SLC11A2: variants seen among roughly 807,000 people sequenced by gnomAD.
SLC11A2 encodes natural resistance-associated macrophage protein 2.
In SLC11A2, 38 loss-of-function variants were observed where a neutral mutation model predicts 68.0. The observed-to-expected ratio is 0.56, with a 90% CI of 0.43 to 0.73. The LOEUF (loss-of-function observed/expected upper bound fraction) is 0.73. Ranked by LOEUF, SLC11A2 falls within the 30% of genes least tolerant of loss-of-function variation. The pLI is 0.00. For synonymous variants in SLC11A2, 242 were observed against 250.6 expected (o/e 0.97, Z 0.32); for missense variants, 517 against 690.5 (o/e 0.75, Z 2.82).
chr12:50,967,610 T>C, the SLC11A2 span, among the ~76,000 whole-genome samples: 1 of 152,176 alleles, frequency 6.6e-6, no homozygotes, highest in Non-Finnish European at 1.5e-5. Flanking sequence ...ATTTTGCTAC[T>C]AAATGCCATG....
At chr12:51,016,618 G>A (rs1943669740) in intron 1 of SLC11A2, among the ~76,000 whole-genome samples, 1 of 150,696 alleles carries the variant, frequency 6.6e-6, no homozygotes. Flanking sequence ...AGAGGCAGAG[G>A]TTGCAGTGGG....
At position 50,992,744 on chromosome 12, in the gene SLC11A2, AAAGAAG is replaced by A. The variant is rs869230009; in HGVS notation, c.1197+60_1197+65del. On this transcript the variant is annotated intron_variant, in intron 12 of 15. Transcript: ENST00000262052. ...AGACTCCATCTCAAAAAAAAAAAAA[AAAGAAG>A]AAGAAGAAGAAGTAACAAAAGGGTT... 2.4e-5 allele frequency: 24 copies of A among 1,016,364 alleles called. 1 individual carries two copies. The African/African-American group carries it at 2.8e-4, about 12-fold the overall frequency. 63.0% of individuals were successfully genotyped at this position (1,016,364 alleles called of 1,614,324 possible). A position where few individuals can be genotyped will look rare whatever the true frequency, so the allele number is the denominator to read the frequency against.
chr12:50,993,508 C>T (rs1213445089), intron 11 of SLC11A2, among the ~76,000 whole-genome samples: 1 of 151,622 alleles, frequency 6.6e-6, no homozygotes, highest in Non-Finnish European at 1.5e-5. Context: ...GCCTAGGCAA[C>T]ATGGCAAATA....
At chr12:50,996,058 T>A (rs537795802) in intron 9 of SLC11A2, among the ~76,000 whole-genome samples, 3 of 152,340 alleles carry the variant, frequency 2.0e-5, no homozygotes, top group African/African-American at 7.2e-5. Context: ...TCAGTTACTC[T>A]CAGTGGCTGG....
chr12:51,026,312 T>C lies in SLC11A2; in HGVS notation c.-41A>G. 1 of 1,266,306 alleles carries C rather than the reference T, an allele frequency of 7.9e-7. No homozygotes were observed. The allele number at this position is 1,266,306 out of a possible 1,614,324, so 78.4% of individuals were successfully genotyped here. Reference sequence around the variant, plus strand: ...CCCTGACCTTGCCTTCCCCTCACCTTACCAGCTCCGCAACCACCTGACACG... The same window carrying C: ...CCCTGACCTTGCCTTCCCCTCACCTCACCAGCTCCGCAACCACCTGACACG... On this transcript the variant is annotated splice_region_variant and 5_prime_UTR_variant, in exon 1 of 16. It removes the in-frame stop codon of an upstream open reading frame in the 5' UTR. Transcript: ENST00000262052.
rs574989172 is a variant in SLC11A2, at chr12:50,987,847, T to C, written c.*478A>G. 1.2e-5 allele frequency: 15 copies of C among 1,259,044 alleles called. No homozygotes were observed. The highest frequency in any genetic ancestry group is 1.5e-5 in the Non-Finnish European group (15 of 977,360). The allele number at this position is 1,259,044 out of a possible 1,614,324, so 78.0% of individuals were successfully genotyped here. On this transcript the variant is annotated 3_prime_UTR_variant, in exon 16 of 16. Coordinates refer to ENST00000262052, the MANE Select transcript of SLC11A2 (RefSeq NM_000617.3). The stretch of plus-strand genomic sequence containing the variant: ...GAAGCTATTCTAGTTGATAATTTGG[T>C]ATAATTAAAATAACTGAAAAGGTAG...
the SLC11A2 span, among the ~76,000 whole-genome samples, chr12:50,961,901 T>C: frequency 6.6e-6 from 1 of 152,162 alleles, no homozygotes; most frequent in Admixed American, 6.6e-5. Context: ...GTGCTCCAAA[T>C]ACAGGAAGCC....
At chr12:50,990,512 C>T (rs960796422) in intron 15 of SLC11A2, 5 of 333,430 alleles carry the variant, frequency 1.5e-5, no homozygotes, top group African/African-American at 8.4e-5. Context: ...GCTGATTTGA[C>T]AATTCCATAT....
intron 5 of SLC11A2, among the ~76,000 whole-genome samples, chr12:51,003,785 T>A (rs113602290): frequency 0.027 from 3,797 of 140,280 alleles, 181 homozygotes; most frequent in African/African-American, 0.095. Flanking sequence ...AAAAAAAAAA[T>A]TTTAATTAGC....
intron 8 of SLC11A2, among the ~76,000 whole-genome samples, chr12:50,997,377 A>G (rs1200717350): frequency 6.6e-6 from 1 of 152,204 alleles, no homozygotes; most frequent in African/African-American, 2.4e-5. Context: ...TCTTAGATAT[A>G]TGAAACAGAT....
At chr12:51,026,242 G>C in intron 1 of SLC11A2, 68 bp downstream of exon 1, 1 of 1,212,964 alleles carries the variant, frequency 8.2e-7, no homozygotes, top group Non-Finnish European at 1.1e-6. Flanking sequence ...ACAGGCCCTC[G>C]AGCCGCCCCG....
Position 51,019,477 on chromosome 12 carries a change from T to C in SLC11A2, c.-39+6833A>G, listed in dbSNP as rs927481523. 3.9e-5 allele frequency among the ~76,000 whole-genome samples: 6 copies of C among 152,136 alleles called. No homozygotes were observed. The South Asian group carries it at 1.2e-3, about 32-fold the overall frequency. ...ACAGTCAACAAAACTTTCTGAAATA[T>C]TCTAGCAGCTCAAACAGAGCTAATT... On this transcript the variant is annotated intron_variant, in intron 1 of 15. Coordinates refer to ENST00000262052, the MANE Select transcript of SLC11A2 (RefSeq NM_000617.3).
At chr12:50,966,062 GCTTA>G in the SLC11A2 span, among the ~76,000 whole-genome samples, 2 of 152,272 alleles carry the variant, frequency 1.3e-5, no homozygotes. Context: ...GATCTCTGTG[GCTTA>G]CTTAGACTAT....
intron 7 of SLC11A2, 46 bp downstream of exon 7, chr12:50,999,299 T>C (rs1187022063): frequency 2.5e-6 from 4 of 1,608,240 alleles, no homozygotes; most frequent in Non-Finnish European, 3.4e-6. Flanking sequence ...ATCTGCCACA[T>C]GACAGAGAGC....
At chr12:51,023,311 G>C (rs772094643) in intron 1 of SLC11A2, among the ~76,000 whole-genome samples, 14 of 152,160 alleles carry the variant, frequency 9.2e-5, no homozygotes, top group Admixed American at 2.6e-4. Context: ...GCTGAGCATG[G>C]TGGCGCAAGC....
chr12:50,966,322 A>G, the SLC11A2 span, among the ~76,000 whole-genome samples: 2 of 152,182 alleles, frequency 1.3e-5, no homozygotes, highest in Non-Finnish European at 2.9e-5. Flanking sequence ...TAAGCAGGAT[A>G]AATTTACTCT....
upstream of SLC11A2, among the ~76,000 whole-genome samples, chr12:51,026,919 G>A (rs1944418178): frequency 1.3e-5 from 2 of 152,224 alleles, no homozygotes; most frequent in South Asian, 4.1e-4. Flanking sequence ...GCTCACGCCT[G>A]TACTCCCAGC....
chr12:50,966,329 C>T, the SLC11A2 span, among the ~76,000 whole-genome samples: 2 of 152,190 alleles, frequency 1.3e-5, no homozygotes, highest in African/African-American at 4.8e-5. Context: ...GATAAATTTA[C>T]TCTAACATAC....
At chr12:50,976,022 T>C (rs910237777), downstream of SLC11A2, among the ~76,000 whole-genome samples, 108 of 152,148 alleles carry the variant, frequency 7.1e-4, no homozygotes, top group Non-Finnish European at 1.4e-3. Flanking sequence ...CCAAAAAAAG[T>C]CCAGGACCAG....
Sources: gnomAD v4.1 joint callset for allele counts (sites outside exome capture counted in the v4.1 genomes callset) on GRCh38, gnomAD v4.1.1 for gene constraint, MANE v1.5 for transcripts, NCBI Gene and HGNC (gene_info 2026-07-23, HGNC 2026-07-21) for gene names.